Variants in UBE2E1 observed in about 807,000 individuals in gnomAD.
The protein encoded by UBE2E1 is ubiquitin conjugating enzyme E2 E1, also known as ubiquitin-conjugating enzyme E2 E1.
Under a neutral mutation model 21.4 loss-of-function variants are expected in UBE2E1, and 6 were observed. That is an observed-to-expected ratio of 0.28 (90% CI 0.15 to 0.55). The LOEUF (loss-of-function observed/expected upper bound fraction) is 0.55, where lower values mean the gene tolerates loss of function less well. Ranked by LOEUF, UBE2E1 falls within the 20% of genes least tolerant of loss-of-function variation. UBE2E1 has a pLI of 0.93. For missense variants in UBE2E1, 142 were observed against 236.5 expected, an observed-to-expected ratio of 0.60 and a Z score of 2.62; for synonymous variants, 87 against 82.7, an observed-to-expected ratio of 1.05 and a Z score of -0.28.
chr3:23,848,188 G>A (rs1700247352), intron 3 of UBE2E1, among the ~76,000 whole-genome samples: 1 of 152,168 alleles, frequency 6.6e-6, no homozygotes, highest in Admixed American at 6.5e-5. Flanking sequence ...AAATATCTAG[G>A]CTGGGCGTAA....
In UBE2E1 at chr3:23,816,439, G is replaced by A. The variant is rs1043515317; in HGVS notation, c.203+4929G>A. Reference sequence around the variant, plus strand: ...TATACTAAGTGGGCTGGGCGCAGTGGATTACGCTTGTAATCCCAGCACTTT... The same window carrying A: ...TATACTAAGTGGGCTGGGCGCAGTGAATTACGCTTGTAATCCCAGCACTTT... On this transcript the variant is annotated intron_variant, in intron 3 of 5. Transcript: ENST00000306627. The surrounding 1 kb of genome is among the most constrained non-coding windows in gnomAD (Gnocchi z 4.8). Among the ~76,000 whole-genome samples the A allele has an allele frequency of 6.6e-6, 1 of 152,206 alleles. No individual in the cohort carries two copies. The highest frequency in any genetic ancestry group is 6.5e-5 in the Admixed American group (1 of 15,286).
chr3:23,832,548 G>A (rs1215628101), intron 3 of UBE2E1, among the ~76,000 whole-genome samples: 4 of 152,182 alleles, frequency 2.6e-5, no homozygotes. Context: ...AGGAGGCTGA[G>A]GCAGGAGAAT....
intron 5 of UBE2E1, 58 bp downstream of exon 5, chr3:23,889,317 T>C: frequency 6.2e-7 from 1 of 1,609,308 alleles, no homozygotes; most frequent in South Asian, 1.1e-5. Flanking sequence ...AATACTTGTT[T>C]CCAAAAGCTT....
intron 3 of UBE2E1, among the ~76,000 whole-genome samples, chr3:23,833,151 C>T (rs892270913): frequency 6.6e-6 from 1 of 152,180 alleles, no homozygotes; most frequent in Non-Finnish European, 1.5e-5. Context: ...TCCTCAGTCT[C>T]CATATATTTG....
Position 23,890,542 on chromosome 3 carries a change from A to G in UBE2E1, c.518A>G (p.Tyr173Cys). The change falls in exon 6 of 6, where the codon TAT (tyrosine) becomes TGT (cysteine). Residue 173 changes from tyrosine to cysteine, a missense_variant. Coordinates refer to ENST00000306627, the MANE Select transcript of UBE2E1 (RefSeq NM_003341.5). ...TTGGTGGGAAGTATTGCCACTCAGT[A>G]TATGACCAACAGAGCAGAACATGAC... Reference protein sequence around the residue: ...DPLVGSIATQYMTNRAEHDRM... With the variant: ...DPLVGSIATQCMTNRAEHDRM... 1 of 1,613,852 alleles carries G rather than the reference A, an allele frequency of 6.2e-7. No individual in the cohort carries two copies. The highest frequency in any genetic ancestry group is 1.1e-5 in the South Asian group (1 of 91,026).
rs528233253 is a variant in UBE2E1, at chr3:23,857,135, T to A, written c.204-30432T>A. Among the ~76,000 whole-genome samples the A allele has an allele frequency of 1.3e-3, 199 of 152,022 alleles. No homozygotes were observed. In the Middle Eastern group the frequency reaches 0.024, roughly 18 times the overall value. On this transcript the variant is annotated intron_variant, in intron 3 of 5. Transcript: ENST00000306627. Reference sequence around the variant, plus strand: ...TAGGACTGAATCACATGTAGAGGGATCTGTGTGTATTTAGGAGAAGCATCA... The same window carrying A: ...TAGGACTGAATCACATGTAGAGGGAACTGTGTGTATTTAGGAGAAGCATCA...
At chr3:23,868,113 T>C (rs1700696598) in intron 3 of UBE2E1, among the ~76,000 whole-genome samples, 1 of 152,168 alleles carries the variant, frequency 6.6e-6, no homozygotes, top group South Asian at 2.1e-4. Flanking sequence ...TCCCCTCAGT[T>C]CCTAAGCAAC....
In UBE2E1 at chr3:23,835,941, A is replaced by G. The variant is rs146237218; in HGVS notation, c.203+24431A>G. 1.6e-3 allele frequency among the ~76,000 whole-genome samples: 250 copies of G among 152,320 alleles called. 1 individual carries two copies. Among genetic ancestry groups the G allele is most frequent in the Non-Finnish European group, 3.1e-3 (209 of 68,012 alleles). On this transcript the variant is annotated intron_variant, in intron 3 of 5. Transcript: ENST00000306627. ...GGGGAGGCAGGGAGGGAAAGTTAGC[A>G]TCTGTTTCCTGTGAGTTTTAAGCTA... is the stretch of plus-strand genomic sequence containing the variant.
intron 3 of UBE2E1, among the ~76,000 whole-genome samples, chr3:23,885,579 GGCCGGGTGCGATGGCTCACACCTATAAT>G (rs1701163141): frequency 2.6e-5 from 4 of 152,110 alleles, no homozygotes; most frequent in African/African-American, 7.2e-5. Flanking sequence ...AAAAATCTCT[GGCCGGGTGCGATGGCTCACACCTATAAT>G]CCCAGCACTC....
chr3:23,845,349 T>C (rs1386536857), intron 3 of UBE2E1, among the ~76,000 whole-genome samples: 1 of 152,204 alleles, frequency 6.6e-6, no homozygotes, highest in East Asian at 1.9e-4. Flanking sequence ...ATATACTCTC[T>C]TGATAGAAGG....
chr3:23,868,293 C>CTTTTATT (rs1268988866), intron 3 of UBE2E1, among the ~76,000 whole-genome samples: 1 of 151,984 alleles, frequency 6.6e-6, no homozygotes, highest in South Asian at 2.1e-4. Context: ...ACCATAGTTA[C>CTTTTATT]TTTTATTTTT....
chr3:23,885,911 AAAAC>A (rs1441927140), intron 3 of UBE2E1, among the ~76,000 whole-genome samples: 5 of 151,034 alleles, frequency 3.3e-5, no homozygotes, highest in Non-Finnish European at 5.9e-5. Flanking sequence ...CTCTGTATCT[AAAAC>A]AAACTTTTTG....
intron 4 of UBE2E1, chr3:23,888,128 A>G (rs934171380): frequency 4.6e-6 from 2 of 430,666 alleles, no homozygotes; most frequent in African/African-American, 4.1e-5. Context: ...CCCCAAAAAA[A>G]GGCAGGGCAG....
chr3:23,830,393 T>TA (rs201590818), intron 3 of UBE2E1, among the ~76,000 whole-genome samples: 2,324 of 151,854 alleles, frequency 0.015, 68 homozygotes, highest in African/African-American at 0.054. Context: ...TTTTAAGAGT[T>TA]ATACCAGTCG....
At chr3:23,877,951 T>TA (rs1700951180) in intron 3 of UBE2E1, among the ~76,000 whole-genome samples, 1 of 152,174 alleles carries the variant, frequency 6.6e-6, no homozygotes, top group Admixed American at 6.5e-5. Context: ...TTTTTTGAAA[T>TA]ACGCTGGCAC....
intron 3 of UBE2E1, among the ~76,000 whole-genome samples, chr3:23,843,806 C>T (rs762591068): frequency 6.6e-6 from 1 of 152,190 alleles, no homozygotes; most frequent in Non-Finnish European, 1.5e-5. Context: ...TATTTTCAGC[C>T]AAACAGTGAA....
At chr3:23,845,561 T>TTCTCTCTC (rs144798695) in intron 3 of UBE2E1, among the ~76,000 whole-genome samples, 29 of 137,014 alleles carry the variant, frequency 2.1e-4, no homozygotes, top group Admixed American at 6.0e-4. Context: ...CTGTTTTGGT[T>TTCTCTCTC]TCTCTCTCTC....
At chr3:23,882,969 A>G (rs1308726524) in intron 3 of UBE2E1, among the ~76,000 whole-genome samples, 1 of 152,192 alleles carries the variant, frequency 6.6e-6, no homozygotes, top group Non-Finnish European at 1.5e-5. Flanking sequence ...CAGCCAGCAC[A>G]GAGAGGGGCT....
At chr3:23,809,973 CAG>C (rs1559473174) in intron 2 of UBE2E1, among the ~76,000 whole-genome samples, 1 of 152,190 alleles carries the variant, frequency 6.6e-6, no homozygotes, top group African/African-American at 2.4e-5. Context: ...CTAAAGTTGA[CAG>C]ATACGTAGGG....
Sources: gnomAD v4.1 joint callset for allele counts (sites outside exome capture counted in the v4.1 genomes callset) on GRCh38, gnomAD v4.1.1 for gene constraint, Gnocchi (gnomAD v3.1) non-coding constraint, MANE v1.5 for transcripts, NCBI Gene and HGNC (gene_info 2026-07-23, HGNC 2026-07-21) for gene names.